TMTC2: variants seen among roughly 807,000 people sequenced by gnomAD.
TMTC2 encodes protein O-mannosyl-transferase TMTC2.
In TMTC2, 43 loss-of-function variants were observed where a neutral mutation model predicts 82.4. The observed-to-expected ratio is 0.52, with a 90% confidence interval of 0.41 to 0.67. The LOEUF is 0.67. Among genes scored for constraint, TMTC2 ranks in the 30% least tolerant of loss-of-function variants. TMTC2 has a pLI of 0.00. For synonymous variants in TMTC2, 408 were observed against 381.9 expected (o/e 1.07, Z -0.80); for missense variants, 919 against 1,012.4 (o/e 0.91, Z 1.25).
intron 1 of TMTC2, 67 bp downstream of exon 1, chr12:82,687,736 C>G: frequency 6.7e-7 from 1 of 1,484,188 alleles, no homozygotes; most frequent in Non-Finnish European, 9.2e-7. Flanking sequence ...CTGAAGCTTC[C>G]CTCTTTAAGG....
chr12:83,079,726 A>G lies in TMTC2; in HGVS notation c.2331+17895A>G, dbSNP rs116981833. The stretch of plus-strand genomic sequence containing the variant: ...GGAAAGTGTCAACATACAAATATTG[A>G]AAGACCAAAAAGGTTTTAAAATGCA... On this transcript the variant is annotated intron_variant, in intron 11 of 11. Coordinates refer to ENST00000321196, the MANE Select transcript of TMTC2 (RefSeq NM_152588.3). 3.7e-4 allele frequency among the ~76,000 whole-genome samples: 56 copies of G among 152,292 alleles called. No homozygotes were observed. The East Asian group carries it at 0.01, about 28-fold the overall frequency.
intron 1 of TMTC2, among the ~76,000 whole-genome samples, chr12:82,850,671 C>T (rs1870926845): frequency 6.6e-6 from 1 of 152,068 alleles, no homozygotes; most frequent in African/African-American, 2.4e-5. Flanking sequence ...TTCATAAATG[C>T]TTATTGTCTT....
chr12:82,687,814 C>A, intron 1 of TMTC2, 145 bp downstream of exon 1: 1 of 760,014 alleles, frequency 1.3e-6, no homozygotes, highest in Non-Finnish European at 2.1e-6. Flanking sequence ...ACATTAACAC[C>A]TAAATCAAAC....
At chr12:83,045,903 C>G (rs991154463) in intron 9 of TMTC2, among the ~76,000 whole-genome samples, 4 of 152,036 alleles carry the variant, frequency 2.6e-5, no homozygotes, top group African/African-American at 7.2e-5. Context: ...CTGATAAGAT[C>G]TCAGGAGTTG....
chr12:82,935,058 C>A (rs2137250672), intron 4 of TMTC2, among the ~76,000 whole-genome samples: 1 of 152,074 alleles, frequency 6.6e-6, no homozygotes, highest in African/African-American at 2.4e-5. Context: ...AGAATTAAAT[C>A]TATTAGAGAA....
chr12:82,967,673 G>A (rs1246145820), intron 7 of TMTC2, among the ~76,000 whole-genome samples: 1 of 151,878 alleles, frequency 6.6e-6, no homozygotes, highest in Non-Finnish European at 1.5e-5. Context: ...TATGACACTT[G>A]GAAAAAAATC....
intron 1 of TMTC2, among the ~76,000 whole-genome samples, chr12:82,843,749 A>G (rs1282266453): frequency 2.0e-5 from 3 of 151,910 alleles, no homozygotes; most frequent in African/African-American, 7.3e-5. Flanking sequence ...GGAGTTCAAG[A>G]CCAGTCTGGC....
intron 1 of TMTC2, among the ~76,000 whole-genome samples, chr12:82,768,340 C>T (rs112201847): frequency 5.8e-4 from 89 of 152,226 alleles, no homozygotes; most frequent in African/African-American, 1.9e-3. Context: ...GTCTAATGCA[C>T]GTTCTTATAC....
At chr12:82,969,341 A>G (rs1032205597) in intron 7 of TMTC2, among the ~76,000 whole-genome samples, 1 of 150,600 alleles carries the variant, frequency 6.6e-6, no homozygotes, top group African/African-American at 2.5e-5. Flanking sequence ...CTCATGTGTC[A>G]TTTACCCCTT....
At chr12:82,873,046 A>G (rs1170470848) in intron 2 of TMTC2, among the ~76,000 whole-genome samples, 2 of 152,214 alleles carry the variant, frequency 1.3e-5, no homozygotes, top group African/African-American at 4.8e-5. Context: ...TTAGTTTTTA[A>G]TACTTTTATT....
At chr12:83,021,291 A>T (rs917162540) in intron 8 of TMTC2, among the ~76,000 whole-genome samples, 4 of 151,100 alleles carry the variant, frequency 2.6e-5, no homozygotes, top group African/African-American at 9.7e-5. Flanking sequence ...TTTCTTCCAC[A>T]CTCTTTTATC....
Position 82,965,080 on chromosome 12 carries a change from T to C in TMTC2, c.1655T>C (p.Leu552Ser). Residue 552 changes from leucine (L) to serine (S), a missense_variant, in exon 5 of 12, where the codon TTG becomes TCG. Physicochemically the swap from Leu to Ser is moderately radical, Grantham distance 145. Transcript: ENST00000321196. ...GCAGAAGCACTACATTATTATAAAT[T>C]GGCCATTGGGAGCAGGCCTACCCTG... Reference protein sequence around the residue: ...RFAEALHYYKLAIGSRPTLAS... With the variant: ...RFAEALHYYKSAIGSRPTLAS... 6.2e-7 allele frequency: 1 copy of C among 1,612,644 alleles called. No individual in the cohort carries two copies. Among genetic ancestry groups the C allele is most frequent in the African/African-American group, 1.3e-5 (1 of 74,952 alleles).
chr12:82,792,337 A>G (rs1190407256), intron 1 of TMTC2, among the ~76,000 whole-genome samples: 4 of 152,078 alleles, frequency 2.6e-5, no homozygotes, highest in Non-Finnish European at 5.9e-5. Context: ...AGTGACATTC[A>G]GTACATTCAT....
At chr12:82,844,966 A>G (rs1870558441) in intron 1 of TMTC2, among the ~76,000 whole-genome samples, 2 of 149,712 alleles carry the variant, frequency 1.3e-5, no homozygotes, top group Admixed American at 6.7e-5. Context: ...GGTGGCTCAC[A>G]CCTGTAATCC....
chr12:82,998,032 A>G (rs1167031223), intron 8 of TMTC2, among the ~76,000 whole-genome samples: 2 of 152,208 alleles, frequency 1.3e-5, no homozygotes, highest in Non-Finnish European at 2.9e-5. Flanking sequence ...CATGCAGAAT[A>G]CAAAAGTTTT....
At chr12:82,793,768 T>G (rs1815951725) in intron 1 of TMTC2, among the ~76,000 whole-genome samples, 1 of 152,152 alleles carries the variant, frequency 6.6e-6, no homozygotes, top group African/African-American at 2.4e-5. Flanking sequence ...ACCCTAATGC[T>G]GTTTTGTTTC....
At chr12:83,121,367 C>T (rs187529054) in intron 11 of TMTC2, among the ~76,000 whole-genome samples, 50 of 152,212 alleles carry the variant, frequency 3.3e-4, no homozygotes, top group Non-Finnish European at 5.4e-4. Flanking sequence ...AATACTCTCC[C>T]CCTTTTCCTA....
At chr12:82,687,933 C>A (rs1872406162) in intron 1 of TMTC2, among the ~76,000 whole-genome samples, 1 of 152,104 alleles carries the variant, frequency 6.6e-6, no homozygotes, top group Non-Finnish European at 1.5e-5. Flanking sequence ...AGTTTCTTAG[C>A]GGAAATCCCG....
chr12:83,019,176 A>G (rs1042623143), intron 8 of TMTC2, among the ~76,000 whole-genome samples: 2 of 151,868 alleles, frequency 1.3e-5, no homozygotes, highest in Admixed American at 1.3e-4. Flanking sequence ...AAAAACATAC[A>G]CATTAATTTT....
Sources: allele counts gnomAD v4.1 joint callset (sites outside exome capture counted in the v4.1 genomes callset), GRCh38; gene constraint gnomAD v4.1.1; transcripts MANE v1.5; gene names NCBI Gene and HGNC (gene_info 2026-07-23, HGNC 2026-07-21).